CPNE4: variants seen among roughly 807,000 people sequenced by gnomAD.
CPNE4 encodes copine 4, also known as copine-4.
Under a neutral mutation model 67.9 loss-of-function variants are expected in CPNE4, and 25 were observed. The observed-to-expected ratio is 0.37, with a 90% CI of 0.27 to 0.51. CPNE4 has a LOEUF of 0.51. Ranked by LOEUF, CPNE4 falls within the 20% of genes least tolerant of loss-of-function variation. The pLI, the probability that CPNE4 is intolerant of heterozygous loss-of-function variation, is 0.93. For synonymous variants in CPNE4, 242 were observed against 244.9 expected (o/e 0.99, Z 0.11); for missense variants, 464 against 690.8 (o/e 0.67, Z 3.68).
chr3:131,704,395 G>A (rs2081371569), intron 3 of CPNE4, among the ~76,000 whole-genome samples: 1 of 152,148 alleles, frequency 6.6e-6, no homozygotes, highest in Non-Finnish European at 1.5e-5. Flanking sequence ...CGGCTCTTTT[G>A]TCTCAGTAGT....
chr3:131,656,460 G>T (rs1277957284), intron 7 of CPNE4, among the ~76,000 whole-genome samples: 1 of 152,118 alleles, frequency 6.6e-6, no homozygotes. Context: ...TAAAAGGTGA[G>T]ACCAAATAGC....
chr3:131,962,341 G>T (rs529257858), intron 1 of CPNE4, among the ~76,000 whole-genome samples: 1 of 152,152 alleles, frequency 6.6e-6, no homozygotes, highest in Non-Finnish European at 1.5e-5. Flanking sequence ...CTAACCACCC[G>T]ATCTGACAGT....
At chr3:131,856,513 C>G (rs573512372) in intron 2 of CPNE4, among the ~76,000 whole-genome samples, 2 of 152,066 alleles carry the variant, frequency 1.3e-5, no homozygotes, top group African/African-American at 4.8e-5. Context: ...TGTAGTTGTA[C>G]AGAATATAAT....
chr3:131,743,879 C>T (rs1481837543), intron 2 of CPNE4, among the ~76,000 whole-genome samples: 8 of 136,402 alleles, frequency 5.9e-5, no homozygotes, highest in Admixed American at 8.3e-5. Flanking sequence ...AGGAGAATGG[C>T]GTGAACCCGG....
intron 3 of CPNE4, among the ~76,000 whole-genome samples, chr3:131,710,385 C>T (rs1414365946): frequency 3.9e-5 from 6 of 152,046 alleles, no homozygotes; most frequent in Non-Finnish European, 7.4e-5. Context: ...GGGAAAAAGA[C>T]ACTTTTTAGA....
intron 1 of CPNE4, among the ~76,000 whole-genome samples, chr3:131,923,703 T>A (rs1171863797): frequency 6.2e-4 from 10 of 16,028 alleles, no homozygotes; most frequent in East Asian, 2.2e-3. Context: ...AGACTCCGTC[T>A]CAAAAAAAAA....
At chr3:131,864,767 G>C (rs2086859143) in intron 2 of CPNE4, among the ~76,000 whole-genome samples, 1 of 151,990 alleles carries the variant, frequency 6.6e-6, no homozygotes. Flanking sequence ...GTGAGAGGGG[G>C]CATCCCTGTC....
At chr3:131,969,200 C>CTGGGTG (rs2107942258) in intron 1 of CPNE4, among the ~76,000 whole-genome samples, 1 of 152,020 alleles carries the variant, frequency 6.6e-6, no homozygotes, top group African/African-American at 2.4e-5. Flanking sequence ...ACACCAGGGC[C>CTGGGTG]TGTCAGGGAG....
chr3:131,852,584 T>C (rs1421629684), intron 2 of CPNE4, among the ~76,000 whole-genome samples: 2 of 151,848 alleles, frequency 1.3e-5, no homozygotes, highest in Non-Finnish European at 2.9e-5. Flanking sequence ...ACAATAAACA[T>C]CTGTTCTGAA....
chr3:131,675,959 G>GT (rs77543552), intron 6 of CPNE4, among the ~76,000 whole-genome samples: 23,352 of 147,370 alleles, frequency 0.16, 3,709 homozygotes, highest in East Asian at 0.62. Flanking sequence ...AATTTATTGG[G>GT]TTTTTTTTGG....
intron 1 of CPNE4, among the ~76,000 whole-genome samples, chr3:132,019,513 T>C (rs2073949780): frequency 6.6e-6 from 1 of 152,064 alleles, no homozygotes; most frequent in African/African-American, 2.4e-5. Context: ...CATATATTAT[T>C]GAGACATATA....
In CPNE4 at chr3:131,719,073, A is replaced by G. The variant is rs1266688164; in HGVS notation, c.360+4373T>C. Among the ~76,000 whole-genome samples the G allele has an allele frequency of 2.0e-5, 3 of 152,334 alleles. No individual in the cohort carries two copies. The East Asian group carries it at 5.8e-4, about 29-fold the overall frequency. ...TTGCCAAAGAACATGCGAGATATCC[A>G]GAGAGGCCAGCATGTCACCTCAAAG... On this transcript the variant is annotated intron_variant, in intron 3 of 15. Coordinates refer to ENST00000429747, the MANE Select transcript of CPNE4 (RefSeq NM_130808.3).
chr3:132,001,347 A>G (rs1200027923), intron 1 of CPNE4, among the ~76,000 whole-genome samples: 2 of 151,952 alleles, frequency 1.3e-5, no homozygotes, highest in Non-Finnish European at 2.9e-5. Flanking sequence ...CTCTTACCCA[A>G]GTATGATGAG....
chr3:131,888,167 C>T (rs2087969050), intron 2 of CPNE4, among the ~76,000 whole-genome samples: 1 of 152,194 alleles, frequency 6.6e-6, no homozygotes, highest in South Asian at 2.1e-4. Flanking sequence ...TTCAATTCAA[C>T]CTATTACATT....
chr3:132,007,073 G>A (rs954201278), intron 1 of CPNE4, among the ~76,000 whole-genome samples: 3 of 151,998 alleles, frequency 2.0e-5, no homozygotes, highest in Non-Finnish European at 2.9e-5. Context: ...TGATGTGCTC[G>A]GCACCTCTAC....
At chr3:131,932,746 G>A (rs562137707) in intron 1 of CPNE4, among the ~76,000 whole-genome samples, 15 of 151,622 alleles carry the variant, frequency 9.9e-5, no homozygotes, top group East Asian at 3.9e-4. Context: ...TGGCAAACAC[G>A]GTGAAATAGC....
At chr3:131,671,947 T>C (rs1394077282) in intron 6 of CPNE4, among the ~76,000 whole-genome samples, 1 of 152,134 alleles carries the variant, frequency 6.6e-6, no homozygotes, top group Non-Finnish European at 1.5e-5. Flanking sequence ...CATTAACCAT[T>C]ATTACTTCCC....
At chr3:131,678,321 T>G (rs2080640588) in intron 6 of CPNE4, among the ~76,000 whole-genome samples, 1 of 152,140 alleles carries the variant, frequency 6.6e-6, no homozygotes, top group Admixed American at 6.5e-5. Context: ...TTTATTAGCT[T>G]AAGAAGCTTT....
intron 7 of CPNE4, among the ~76,000 whole-genome samples, chr3:131,636,326 G>A (rs1455716915): frequency 6.6e-6 from 1 of 152,108 alleles, no homozygotes; most frequent in Non-Finnish European, 1.5e-5. Context: ...CGGCCTTTAG[G>A]ATTGCAGGCT....
Sources: allele counts gnomAD v4.1 joint callset (sites outside exome capture counted in the v4.1 genomes callset), GRCh38; gene constraint gnomAD v4.1.1; transcripts MANE v1.5; gene names NCBI Gene and HGNC (gene_info 2026-07-23, HGNC 2026-07-21).